The following GLIS3 variants were observed in gnomAD, a reference collection of about 807,000 sequenced individuals.
The protein encoded by GLIS3 is GLIS family zinc finger 3, also known as zinc finger protein GLIS3.
GLIS3 carries 53 observed loss-of-function variants against 78.6 expected under a neutral mutation model. That is an observed-to-expected ratio of 0.67 (90% CI 0.54 to 0.85). GLIS3 has a LOEUF of 0.85. GLIS3 is among the 40% of genes least tolerant of loss of function. The pLI, the probability that GLIS3 is intolerant of heterozygous loss-of-function variation, is 0.00. For synonymous variants in GLIS3, 684 were observed against 509.9 expected (o/e 1.34, Z -4.60); for missense variants, 1,703 against 1,231.1 (o/e 1.38, Z -5.74).
chr9:4,401,571 C>CTT, the GLIS3 span, among the ~76,000 whole-genome samples: 1,066 of 120,672 alleles, frequency 8.8e-3, 2 homozygotes, highest in African/African-American at 0.014. Flanking sequence ...TCCTTTCTTT[C>CTT]TTTTTTTTTT....
At chr9:3,846,186 C>T (rs1166623938) in intron 9 of GLIS3, among the ~76,000 whole-genome samples, 2 of 152,122 alleles carry the variant, frequency 1.3e-5, no homozygotes, top group African/African-American at 4.8e-5. Context: ...TATAAGGAAC[C>T]GCATATTTAT....
chr9:4,080,450 A>T (rs1031640556), intron 4 of GLIS3, among the ~76,000 whole-genome samples: 1 of 152,332 alleles, frequency 6.6e-6, no homozygotes, highest in East Asian at 1.9e-4. Flanking sequence ...TGCATGATGA[A>T]CAAATTATCA....
At chr9:4,437,642 C>T in the GLIS3 span, among the ~76,000 whole-genome samples, 5 of 152,180 alleles carry the variant, frequency 3.3e-5, no homozygotes, top group African/African-American at 7.2e-5. Flanking sequence ...TCTACTTATA[C>T]GCAGATTTTT....
the GLIS3 span, among the ~76,000 whole-genome samples, chr9:4,393,832 C>T: frequency 6.6e-6 from 1 of 152,052 alleles, no homozygotes; most frequent in African/African-American, 2.4e-5. Flanking sequence ...TAATCTTTTT[C>T]TTTTACGTTG....
intron 4 of GLIS3, among the ~76,000 whole-genome samples, chr9:4,307,606 A>G (rs1421311080): frequency 6.6e-6 from 1 of 152,196 alleles, no homozygotes; most frequent in Non-Finnish European, 1.5e-5. Flanking sequence ...TTACATGGCA[A>G]AAAGGACTTA....
chr9:4,100,868 A>G (rs1830319180), intron 4 of GLIS3, among the ~76,000 whole-genome samples: 1 of 152,170 alleles, frequency 6.6e-6, no homozygotes, highest in African/African-American at 2.4e-5. Flanking sequence ...TACGTAATCT[A>G]TGTGCATGGC....
chr9:4,431,256 A>G, the GLIS3 span, among the ~76,000 whole-genome samples: 1 of 152,204 alleles, frequency 6.6e-6, no homozygotes, highest in Non-Finnish European at 1.5e-5. Flanking sequence ...CAAACTTCAC[A>G]TATTCGTGAA....
the GLIS3 span, among the ~76,000 whole-genome samples, chr9:4,486,731 C>G: frequency 1.3e-5 from 2 of 152,282 alleles, no homozygotes; most frequent in African/African-American, 4.8e-5. Context: ...CTCTTGTCAC[C>G]CAGGCTGGAG....
chr9:4,228,198 C>CAAAAAAAAAAA (rs59507597), intron 2 of GLIS3, among the ~76,000 whole-genome samples: 1 of 107,056 alleles, frequency 9.3e-6, no homozygotes. Context: ...TCTAAGGTGG[C>CAAAAAAAAAAA]AAAAAAAAAA....
At chr9:4,415,439 C>T in the GLIS3 span, among the ~76,000 whole-genome samples, 1 of 152,336 alleles carries the variant, frequency 6.6e-6, no homozygotes, top group East Asian at 1.9e-4. Flanking sequence ...TTGCCTCAGC[C>T]TTTCTGGCTT....
intron 4 of GLIS3, among the ~76,000 whole-genome samples, chr9:4,064,078 C>A (rs1826883199): frequency 6.6e-6 from 1 of 151,780 alleles, no homozygotes; most frequent in African/African-American, 2.4e-5. Flanking sequence ...AGGAAAGAAT[C>A]AAGTAATAGA....
the GLIS3 span, among the ~76,000 whole-genome samples, chr9:4,481,341 G>A: frequency 2.0e-4 from 31 of 152,076 alleles, 1 homozygote; most frequent in African/African-American, 6.5e-4. Context: ...AAAATTAGCC[G>A]GGTATGGTGG....
intron 2 of GLIS3, among the ~76,000 whole-genome samples, chr9:4,187,297 G>C (rs1266958804): frequency 1.3e-5 from 2 of 152,186 alleles, no homozygotes; most frequent in Admixed American, 6.5e-5. Flanking sequence ...TCAAAGATCA[G>C]ATACTTGTAG....
chr9:4,246,918 C>A (rs1823856378), intron 2 of GLIS3, among the ~76,000 whole-genome samples: 1 of 152,104 alleles, frequency 6.6e-6, no homozygotes, highest in Non-Finnish European at 1.5e-5. Context: ...ACATTGTTTA[C>A]CCAAACATTG....
chr9:3,945,541 A>C (rs1238252417), intron 4 of GLIS3, among the ~76,000 whole-genome samples: 3 of 152,182 alleles, frequency 2.0e-5, no homozygotes, highest in Non-Finnish European at 2.9e-5. Flanking sequence ...ATAGACATAC[A>C]TGCAGAATAA....
At chr9:4,356,251 C>A in the GLIS3 span, among the ~76,000 whole-genome samples, 1 of 152,174 alleles carries the variant, frequency 6.6e-6, no homozygotes, top group African/African-American at 2.4e-5. Flanking sequence ...AGCAGCAGAG[C>A]CGGAGAGACT....
chr9:3,875,247 T>G (rs1821238108), intron 8 of GLIS3, among the ~76,000 whole-genome samples: 1 of 152,252 alleles, frequency 6.6e-6, no homozygotes, highest in Non-Finnish European at 1.5e-5. Flanking sequence ...CATTAGGTGA[T>G]GTAGTGTGCT....
At chr9:3,983,834 G>A (rs1373990793) in intron 4 of GLIS3, among the ~76,000 whole-genome samples, 1 of 152,188 alleles carries the variant, frequency 6.6e-6, no homozygotes. Flanking sequence ...GGGAAGCAGA[G>A]CACAAAAGTT....
chr9:4,135,335 C>G (rs1353397163), intron 2 of GLIS3, among the ~76,000 whole-genome samples: 1 of 152,130 alleles, frequency 6.6e-6, no homozygotes, highest in Non-Finnish European at 1.5e-5. Flanking sequence ...ATCTATCATT[C>G]CCTTAAGGTA....
Sources: gnomAD v4.1 joint callset for allele counts (sites outside exome capture counted in the v4.1 genomes callset) on GRCh38, gnomAD v4.1.1 for gene constraint, MANE v1.5 for transcripts, NCBI Gene and HGNC (gene_info 2026-07-23, HGNC 2026-07-21) for gene names.